The following EDNRB variants were observed in gnomAD, a reference collection of about 807,000 sequenced individuals.
EDNRB encodes the protein Hirschsprung disease 2.
In EDNRB, 18 loss-of-function variants were observed where a neutral mutation model predicts 46.4. The ratio of observed to expected loss-of-function variants is 0.39; its 90% CI spans 0.27 to 0.57. EDNRB has a LOEUF of 0.57. Ranked by LOEUF, EDNRB falls within the 20% of genes least tolerant of loss-of-function variation. The pLI is 0.61. For synonymous variants in EDNRB, 213 were observed against 204.9 expected, an observed-to-expected ratio of 1.04 and a Z score of -0.34; for missense variants, 434 against 537.5, an observed-to-expected ratio of 0.81 and a Z score of 1.90.
chr13:77,900,352 C>T (rs1439494836), intron 5 of EDNRB, among the ~76,000 whole-genome samples, 169 bp downstream of exon 5: 1 of 151,864 alleles, frequency 6.6e-6, no homozygotes, highest in Admixed American at 6.6e-5. Context: ...TCTTCATACC[C>T]CCCCTTCCCT....
chr13:77,957,622 T>C (rs1369074378), intron 1 of EDNRB, among the ~76,000 whole-genome samples: 1 of 152,222 alleles, frequency 6.6e-6, no homozygotes, highest in Non-Finnish European at 1.5e-5. Context: ...GCTTACAAGG[T>C]TGTCAGAAAA....
chr13:77,897,609 G>T lies in EDNRB; in HGVS notation c.*591C>A, dbSNP rs1878700801. ...GAAAGTGTAATGATTTTCAAAAACAGCCTTGCTCTTTCTGTTACTCCCTCC... is the reference window on the plus strand; with the variant it reads ...GAAAGTGTAATGATTTTCAAAAACATCCTTGCTCTTTCTGTTACTCCCTCC... On this transcript the variant is annotated 3_prime_UTR_variant, in exon 7 of 7. Transcript: ENST00000646607. 3 of 985,492 alleles carry T rather than the reference G, an allele frequency of 3.0e-6. No homozygotes were observed. The highest frequency in any genetic ancestry group is 6.2e-5 in the Admixed American group (1 of 16,258). The allele number at this position is 985,492 out of a possible 1,614,324, so 61.0% of individuals were successfully genotyped here.
rs1879077620 is a variant in EDNRB at position 77,903,036 on chromosome 13, T to A, written c.801+120A>T. ...CTCCACAGTCCTTGGATCTATACTC[T>A]TAATTTATGCCAAGGACAGTCATAA... On this transcript the variant is annotated intron_variant, in intron 3 of 6. Coordinates refer to ENST00000646607, the MANE Select transcript of EDNRB (RefSeq NM_001122659.3). The A allele has an allele frequency of 2.7e-6, 3 of 1,108,924 alleles. No individual in the cohort carries two copies. In the East Asian group the frequency reaches 7.6e-5, roughly 28 times the overall value. The allele number at this position is 1,108,924 out of a possible 1,614,324, so 68.7% of individuals were successfully genotyped here.
intron 1 of EDNRB, among the ~76,000 whole-genome samples, chr13:77,933,166 A>G (rs2137655977): frequency 6.6e-6 from 1 of 152,356 alleles, no homozygotes; most frequent in East Asian, 1.9e-4. Context: ...TGAATATCAC[A>G]TATAGGTTAC....
chr13:77,899,678 G>GA, intron 6 of EDNRB, 181 bp downstream of exon 6: 2 of 573,796 alleles, frequency 3.5e-6, no homozygotes, highest in Non-Finnish European at 6.1e-6. Context: ...GGATTTATAG[G>GA]AAAAAACAAT....
chr13:77,903,056 T>A lies in EDNRB; in HGVS notation c.801+100A>T. 3 of 1,264,790 alleles carry A rather than the reference T, an allele frequency of 2.4e-6. No individual in the cohort carries two copies. The East Asian group carries it at 7.3e-5, about 31-fold the overall frequency. 78.3% of individuals were successfully genotyped at this position (1,264,790 alleles called of 1,614,324 possible). ...TACTCTTAATTTATGCCAAGGACAGTCATAAATCAACAGTTTCCCAAGGAG... is the reference window on the plus strand; with the variant it reads ...TACTCTTAATTTATGCCAAGGACAGACATAAATCAACAGTTTCCCAAGGAG... On this transcript the variant is annotated intron_variant, in intron 3 of 6. Coordinates refer to ENST00000646607, the MANE Select transcript of EDNRB (RefSeq NM_001122659.3).
At position 77,900,650 on chromosome 13, in the gene EDNRB, C is replaced by T. The variant is rs759543922; in HGVS notation, c.956G>A (p.Arg319Gln). The T allele has an allele frequency of 5.6e-6, 9 of 1,612,132 alleles. No individual in the cohort carries two copies. The highest frequency in any genetic ancestry group is 3.3e-5 in the South Asian group (3 of 91,036). Residue 319 changes from arginine to glutamine, a missense_variant, in exon 5 of 7, where the codon CGG becomes CAG. By Grantham distance (43) the Arg-to-Gln change is conservative (BLOSUM62 1). Coordinates refer to ENST00000646607, the MANE Select transcript of EDNRB (RefSeq NM_001122659.3). ...IALNDHLKQR[R>Q]EVAKTVFCLV... ...GCAAAAGACGGTTTTGGCCACTTCC[C>T]GTCTCTGAAATAAATCCATAGTTTG...
At chr13:77,919,960 G>C (rs563882391), upstream of EDNRB, 45 of 190,506 alleles carry the variant, frequency 2.4e-4, no homozygotes, top group South Asian at 4.3e-4. Context: ...TGGTTTGTGG[G>C]CGCTGCTCTT....
At chr13:77,901,336 A>T in intron 3 of EDNRB, 129 bp from the exon 4 acceptor site, 5 of 994,422 alleles carry the variant, frequency 5.0e-6, no homozygotes, top group Non-Finnish European at 7.4e-6. Flanking sequence ...TGTATATATC[A>T]TACAGAATCT....
At position 77,911,430 on chromosome 13, in the gene EDNRB, A is replaced by T. The variant is rs117309464; in HGVS notation, c.483+6661T>A. 4.8e-3 allele frequency among the ~76,000 whole-genome samples: 737 copies of T among 152,200 alleles called. 4 individuals carry two copies. Among genetic ancestry groups the T allele is most frequent in the Middle Eastern group, 0.037 (11 of 294 alleles). On this transcript the variant is annotated intron_variant, in intron 1 of 6. Coordinates refer to ENST00000646607, the MANE Select transcript of EDNRB (RefSeq NM_001122659.3). Reference sequence around the variant, plus strand: ...TAAAATAGGCTGAACACACTGAGTGAGTGGGAAGAAGACAGCGTACAGTGT... The same window carrying T: ...TAAAATAGGCTGAACACACTGAGTGTGTGGGAAGAAGACAGCGTACAGTGT...
At chr13:77,956,296 T>G (rs1009079665) in intron 1 of EDNRB, among the ~76,000 whole-genome samples, 8 of 152,212 alleles carry the variant, frequency 5.3e-5, no homozygotes, top group Non-Finnish European at 1.2e-4. Flanking sequence ...GGGATTGTTT[T>G]CTGAGTTTCA....
upstream of EDNRB, among the ~76,000 whole-genome samples, chr13:77,921,367 C>A (rs908015514): frequency 2.0e-5 from 3 of 152,220 alleles, no homozygotes; most frequent in Admixed American, 1.3e-4. Context: ...TCAGCTACTC[C>A]TTACAGGGTC....
intron 1 of EDNRB, among the ~76,000 whole-genome samples, chr13:77,970,212 A>C (rs1192659762): frequency 6.6e-6 from 1 of 152,200 alleles, no homozygotes; most frequent in African/African-American, 2.4e-5. Context: ...AGAGAGCTTA[A>C]ATTCTAGACC....
chr13:77,965,612 G>A (rs1342499398), intron 1 of EDNRB, among the ~76,000 whole-genome samples: 1 of 152,144 alleles, frequency 6.6e-6, no homozygotes, highest in African/African-American at 2.4e-5. Context: ...GAAGAGCAAA[G>A]AGGAATTAAA....
chr13:77,917,996 T>C, intron 1 of EDNRB, 95 bp downstream of exon 1: 2 of 1,597,660 alleles, frequency 1.3e-6, no homozygotes, highest in Non-Finnish European at 1.7e-6. Flanking sequence ...AAGAGGGAGC[T>C]AAAGGGAAGC....
upstream of EDNRB, chr13:77,919,746 G>T (rs1880016346): frequency 1.2e-6 from 1 of 832,792 alleles, no homozygotes; most frequent in Non-Finnish European, 1.8e-6. Flanking sequence ...CCTCGTCCGG[G>T]GACAGGTCCC....
At chr13:77,941,901 T>C (rs754255582) in intron 1 of EDNRB, among the ~76,000 whole-genome samples, 10 of 152,212 alleles carry the variant, frequency 6.6e-5, no homozygotes, top group Non-Finnish European at 1.3e-4. Flanking sequence ...TTACTATTCA[T>C]AAACATCAGT....
Position 77,908,426 on chromosome 13 carries a change from C to A in EDNRB, c.484-4819G>T, listed in dbSNP as rs113414897. On this transcript the variant is annotated intron_variant, in intron 1 of 6. Transcript: ENST00000646607. ...GTGGGGAAAAACTATGAAGTTTTGC[C>A]AAAAAAAAAAAAAAAAAAATTCACT... 1.5e-3 allele frequency among the ~76,000 whole-genome samples: 180 copies of A among 124,106 alleles called. 2 individuals carry two copies. Among genetic ancestry groups the A allele is most frequent in the Admixed American group, 1.6e-3 (20 of 12,228 alleles). 81.4% of individuals were successfully genotyped at this position (124,106 alleles called of 152,430 possible).
Position 77,897,601 on chromosome 13 carries a change from C to T in EDNRB, c.*599G>A, listed in dbSNP as rs1251430355. On this transcript the variant is annotated 3_prime_UTR_variant, in exon 7 of 7. Transcript: ENST00000646607. Reference sequence around the variant, plus strand: ...CTTCTAGTGAAAGTGTAATGATTTTCAAAAACAGCCTTGCTCTTTCTGTTA... The same window carrying T: ...CTTCTAGTGAAAGTGTAATGATTTTTAAAAACAGCCTTGCTCTTTCTGTTA... The T allele has an allele frequency of 1.5e-5, 15 of 985,324 alleles. No homozygotes were observed. Among genetic ancestry groups the T allele is most frequent in the South Asian group, 4.7e-5 (1 of 21,298 alleles). The allele number at this position is 985,324 out of a possible 1,614,324, so 61.0% of individuals were successfully genotyped here.
Sources: gnomAD v4.1 joint callset for allele counts (sites outside exome capture counted in the v4.1 genomes callset) on GRCh38, gnomAD v4.1.1 for gene constraint, MANE v1.5 for transcripts, NCBI Gene and HGNC (gene_info 2026-07-23, HGNC 2026-07-21) for gene names.